Variants in PPP6R3 observed in about 807,000 individuals in gnomAD.
PPP6R3 encodes the protein protein phosphatase 6 regulatory subunit 3, also known as serine/threonine-protein phosphatase 6 regulatory subunit 3.
Under a neutral mutation model 110.7 loss-of-function variants are expected in PPP6R3, and 38 were observed. The observed-to-expected ratio is 0.34, with a 90% CI of 0.26 to 0.45. The LOEUF is 0.45. Among genes scored for constraint, PPP6R3 ranks in the 20% least tolerant of loss-of-function variants. PPP6R3 has a pLI of 1.00. For synonymous variants in PPP6R3, 369 were observed against 373.5 expected, an observed-to-expected ratio of 0.99 and a Z score of 0.14; for missense variants, 870 against 1,062.4, an observed-to-expected ratio of 0.82 and a Z score of 2.52.
At chr11:68,533,137 T>C (rs991921023) in intron 2 of PPP6R3, among the ~76,000 whole-genome samples, 12 of 152,244 alleles carry the variant, frequency 7.9e-5, no homozygotes, top group Non-Finnish European at 1.5e-4. Flanking sequence ...AGTTGAACTT[T>C]GTAACTGTTA....
Position 68,613,393 on chromosome 11 carries a change from A to G in PPP6R3, c.*276A>G. 2.6e-6 allele frequency: 3 copies of G among 1,157,736 alleles called. No individual in the cohort carries two copies. Among genetic ancestry groups the G allele is most frequent in the South Asian group, 3.2e-5 (1 of 30,836 alleles). 71.7% of individuals were successfully genotyped at this position (1,157,736 alleles called of 1,614,324 possible). On this transcript the variant is annotated 3_prime_UTR_variant, in exon 24 of 24. Coordinates refer to ENST00000393800, the MANE Select transcript of PPP6R3 (RefSeq NM_001164161.2). ...CCTGTGAAATAAGATCTTGCCACCC[A>G]TGTAATAATAGTAGTAATACTATAG...
At chr11:68,479,360 A>T (rs2098881490) in intron 1 of PPP6R3, among the ~76,000 whole-genome samples, 1 of 152,156 alleles carries the variant, frequency 6.6e-6, no homozygotes. Context: ...CTGTCACATG[A>T]GGTCAAGGTG....
intron 22 of PPP6R3, among the ~76,000 whole-genome samples, chr11:68,605,132 G>A (rs1938830617): frequency 6.6e-6 from 1 of 152,138 alleles, no homozygotes; most frequent in Admixed American, 6.5e-5. Context: ...TTGAGCCCAG[G>A]AGTTTGAGAC....
At chr11:68,602,685 A>T (rs1346798485) in intron 21 of PPP6R3, among the ~76,000 whole-genome samples, 1 of 152,212 alleles carries the variant, frequency 6.6e-6, no homozygotes, top group African/African-American at 2.4e-5. Context: ...TGCTGGTTTC[A>T]TCATCCTCCT....
intron 8 of PPP6R3, among the ~76,000 whole-genome samples, chr11:68,559,213 A>G (rs1194539828): frequency 6.6e-6 from 1 of 152,246 alleles, no homozygotes; most frequent in Non-Finnish European, 1.5e-5. Flanking sequence ...CTTTGAGGAC[A>G]AATTTCTTCT....
intron 1 of PPP6R3, among the ~76,000 whole-genome samples, chr11:68,506,599 C>CT (rs1206680767): frequency 6.6e-6 from 1 of 151,994 alleles, no homozygotes; most frequent in Non-Finnish European, 1.5e-5. Context: ...TGGAAATTCT[C>CT]TTTGTGATTT....
At chr11:68,495,871 A>G (rs910022209) in intron 1 of PPP6R3, among the ~76,000 whole-genome samples, 1 of 152,242 alleles carries the variant, frequency 6.6e-6, no homozygotes, top group African/African-American at 2.4e-5. Flanking sequence ...GTTGGGTCAT[A>G]TGGAGCTCTG....
chr11:68,583,941 C>T (rs2099570304), intron 15 of PPP6R3, among the ~76,000 whole-genome samples: 1 of 152,158 alleles, frequency 6.6e-6, no homozygotes, highest in African/African-American at 2.4e-5. Context: ...AGTCTCTAAG[C>T]TTCGTCTTAG....
intron 14 of PPP6R3, among the ~76,000 whole-genome samples, chr11:68,580,834 C>T (rs1394131992): frequency 3.1e-5 from 4 of 127,090 alleles, no homozygotes; most frequent in African/African-American, 8.7e-5. Context: ...TGCAGTGGCA[C>T]GATCTCGGCT....
chr11:68,599,249 A>G (rs913685915), intron 19 of PPP6R3, among the ~76,000 whole-genome samples: 8 of 152,248 alleles, frequency 5.3e-5, no homozygotes, highest in African/African-American at 1.9e-4. Flanking sequence ...TGTCCCCAGC[A>G]AAGAATTGAG....
chr11:68,531,530 G>A (rs577259002), intron 2 of PPP6R3, among the ~76,000 whole-genome samples: 2 of 151,952 alleles, frequency 1.3e-5, no homozygotes, highest in South Asian at 2.1e-4. Flanking sequence ...GGGCTCAAGC[G>A]ATCTGCCCAT....
rs1228163334 is a variant in PPP6R3, at chr11:68,587,997, A to C, written c.1703A>C (p.Lys568Thr). Reference sequence around the variant, plus strand: ...GACCAGTTTGGCTTCAACGATGAGAAGTTTGCAGATCAAGATGACATTGGC... The same window carrying C: ...GACCAGTTTGGCTTCAACGATGAGACGTTTGCAGATCAAGATGACATTGGC... Reference protein sequence around the residue: ...FIDQFGFNDEKFADQDDIGNV... With the variant: ...FIDQFGFNDETFADQDDIGNV... The change falls in exon 16 of 24, where the codon AAG becomes ACG. Residue 568 changes from lysine to threonine, a missense_variant. Transcript: ENST00000393800. 6.2e-7 allele frequency: 1 copy of C among 1,614,158 alleles called. No homozygotes were observed. The highest frequency in any genetic ancestry group is 1.7e-5 in the Admixed American group (1 of 60,036).
At chr11:68,511,101 T>A (rs2153532190) in intron 1 of PPP6R3, among the ~76,000 whole-genome samples, 1 of 150,488 alleles carries the variant, frequency 6.6e-6, no homozygotes, top group African/African-American at 2.5e-5. Context: ...GGAGTCTCGC[T>A]CTGTCGCCCA....
rs140444250 is a variant in PPP6R3, at chr11:68,485,565, A to C, written c.-158+24738A>C. Among the ~76,000 whole-genome samples the C allele has an allele frequency of 7.9e-5, 12 of 152,172 alleles. No homozygotes were observed. In the East Asian group the frequency reaches 2.3e-3, roughly 29 times the overall value. ...GTTGAGGAAGCTTCTTACTGTTCCT[A>C]GTTTTCTGAGTGTTTTTTGAAATGA... On this transcript the variant is annotated intron_variant, in intron 1 of 23. Transcript: ENST00000393800.
intron 23 of PPP6R3, among the ~76,000 whole-genome samples, chr11:68,612,390 C>A (rs1234166967): frequency 6.6e-6 from 1 of 152,158 alleles, no homozygotes; most frequent in Non-Finnish European, 1.5e-5. Context: ...GCCCTAAGCA[C>A]CCTTTCCCAA....
Position 68,613,767 on chromosome 11 carries a change from G to A in PPP6R3, c.*650G>A. 1.0e-6 allele frequency: 1 copy of A among 979,998 alleles called. No homozygotes were observed. The highest frequency in any genetic ancestry group is 1.2e-6 in the Non-Finnish European group (1 of 824,766). 60.7% of individuals were successfully genotyped at this position (979,998 alleles called of 1,614,324 possible). ...GTAGAGATTAAGTAAAGTATTTATT[G>A]CTACATCATAGTTGATAAATTGATG... On this transcript the variant is annotated 3_prime_UTR_variant, in exon 24 of 24. Coordinates refer to ENST00000393800, the MANE Select transcript of PPP6R3 (RefSeq NM_001164161.2).
intron 3 of PPP6R3, among the ~76,000 whole-genome samples, chr11:68,542,389 G>GTTTTTTTTTTTTTTTTTTTTTT (rs34666175): frequency 2.5e-5 from 1 of 40,206 alleles, no homozygotes; most frequent in Non-Finnish European, 4.1e-5. Flanking sequence ...AGAAGCTGCT[G>GTTTTTTTTTTTTTTTTTTTTTT]TTTTTTTTTT....
chr11:68,512,187 C>G (rs775662662), intron 1 of PPP6R3, among the ~76,000 whole-genome samples: 2 of 152,164 alleles, frequency 1.3e-5, no homozygotes, highest in Non-Finnish European at 2.9e-5. Flanking sequence ...GTTGCCATAA[C>G]AAAATATCAT....
At chr11:68,583,160 T>A in intron 15 of PPP6R3, 31 bp downstream of exon 15, 1 of 1,459,484 alleles carries the variant, frequency 6.9e-7, no homozygotes, top group African/African-American at 1.4e-5. Flanking sequence ...TGCTTTTTGT[T>A]TTTATTTTAA....
Sources: allele counts gnomAD v4.1 joint callset (sites outside exome capture counted in the v4.1 genomes callset), GRCh38; gene constraint gnomAD v4.1.1; transcripts MANE v1.5; gene names NCBI Gene and HGNC (gene_info 2026-07-23, HGNC 2026-07-21).